Variants in SLC36A2 observed in about 807,000 individuals in gnomAD.
SLC36A2 encodes proton-coupled amino acid transporter 2.
SLC36A2 carries 39 observed loss-of-function variants against 42.7 expected under a neutral mutation model. That is an observed-to-expected ratio of 0.91 (90% CI 0.71 to 1.19). The LOEUF (loss-of-function observed/expected upper bound fraction) is 1.19. Among genes scored for constraint, SLC36A2 ranks in the 50% most tolerant of loss-of-function variants. SLC36A2 has a pLI of 0.00. For missense variants in SLC36A2, 590 were observed against 613.7 expected (o/e 0.96, Z 0.41); for synonymous variants, 237 against 240.8 (o/e 0.98, Z 0.15).
At chr5:151,327,411 T>G (rs1755884313) in intron 7 of SLC36A2, among the ~76,000 whole-genome samples, 1 of 152,178 alleles carries the variant, frequency 6.6e-6, no homozygotes, top group Non-Finnish European at 1.5e-5. Context: ...ACTAAGGAAT[T>G]TAGCATCTTT....
chr5:151,326,609 G>A (rs529673513), intron 7 of SLC36A2, among the ~76,000 whole-genome samples: 4 of 152,176 alleles, frequency 2.6e-5, no homozygotes, highest in South Asian at 4.1e-4. Flanking sequence ...GCCTCTTGCC[G>A]GTTGGACATT....
intron 4 of SLC36A2, among the ~76,000 whole-genome samples, chr5:151,341,149 G>A (rs1267200878): frequency 6.6e-6 from 1 of 152,178 alleles, no homozygotes; most frequent in African/African-American, 2.4e-5. Flanking sequence ...AGGAATTCCA[G>A]TTATAGGAGA....
intron 5 of SLC36A2, among the ~76,000 whole-genome samples, chr5:151,335,806 A>G (rs1580857492): frequency 6.6e-6 from 1 of 152,142 alleles, no homozygotes; most frequent in Non-Finnish European, 1.5e-5. Flanking sequence ...AGGCAGGTGG[A>G]TCATTTGAGG....
chr5:151,331,232 A>G (rs1755987289), intron 7 of SLC36A2, among the ~76,000 whole-genome samples: 6 of 152,162 alleles, frequency 3.9e-5, no homozygotes, highest in Admixed American at 3.9e-4. Context: ...AAAACCATAA[A>G]ACTCTTAGAA....
At chr5:151,333,874 T>TA (rs1756070868) in intron 6 of SLC36A2, among the ~76,000 whole-genome samples, 1 of 151,930 alleles carries the variant, frequency 6.6e-6, no homozygotes, top group African/African-American at 2.4e-5. Flanking sequence ...AAGAAGACCT[T>TA]ACACACCACA....
At chr5:151,327,350 T>C (rs1755881249) in intron 7 of SLC36A2, among the ~76,000 whole-genome samples, 1 of 152,218 alleles carries the variant, frequency 6.6e-6, no homozygotes, top group South Asian at 2.1e-4. Context: ...AGGGCTGTTA[T>C]CCAAAGTCCA....
At chr5:151,323,806 C>G (rs1755774186) in intron 8 of SLC36A2, among the ~76,000 whole-genome samples, 1 of 152,196 alleles carries the variant, frequency 6.6e-6, no homozygotes, top group Non-Finnish European at 1.5e-5. Context: ...TAGTGAACCT[C>G]CAAGGTTATA....
chr5:151,317,443 T>G (rs955969694), intron 9 of SLC36A2, among the ~76,000 whole-genome samples: 6 of 146,516 alleles, frequency 4.1e-5, no homozygotes, highest in Admixed American at 4.0e-4. Context: ...CAAAGTGAGG[T>G]CCTATCTCAT....
rs1267007310 is a variant in SLC36A2 at position 151,343,415 on chromosome 5, TAAG to T, written c.344+92_344+94del. On this transcript the variant is annotated intron_variant, in intron 3 of 9. Coordinates refer to ENST00000335244, the MANE Select transcript of SLC36A2 (RefSeq NM_181776.3). ...CTTTCTTGGCCTTATTGGAGAAAAC[TAAG>T]AAGTAAATTTCTATTATGCATAGGA... is the stretch of plus-strand genomic sequence containing the variant. 13 of 1,308,366 alleles carry T rather than the reference TAAG, an allele frequency of 9.9e-6. No homozygotes were observed. The African/African-American group carries it at 1.4e-4, about 15-fold the overall frequency. 81.0% of individuals were successfully genotyped at this position (1,308,366 alleles called of 1,614,324 possible).
intron 9 of SLC36A2, among the ~76,000 whole-genome samples, chr5:151,318,665 T>A (rs966316921): frequency 6.7e-6 from 1 of 149,450 alleles, no homozygotes; most frequent in Non-Finnish European, 1.5e-5. Flanking sequence ...AATAAATAAT[T>A]AACATGAGTA....
intron 1 of SLC36A2, among the ~76,000 whole-genome samples, chr5:151,345,072 C>T (rs1024623269): frequency 3.0e-4 from 45 of 152,052 alleles, no homozygotes; most frequent in Non-Finnish European, 6.0e-4. Context: ...AAGGTTTGCC[C>T]GGAGGACAAA....
chr5:151,346,269 A>C (rs1427842067), intron 1 of SLC36A2, among the ~76,000 whole-genome samples: 1 of 152,110 alleles, frequency 6.6e-6, no homozygotes, highest in Non-Finnish European at 1.5e-5. Context: ...ATACTTAGCA[A>C]CTTCCAGGAC....
intron 4 of SLC36A2, among the ~76,000 whole-genome samples, chr5:151,340,116 AGAGGAGGAGAAGGAGGAGGAAGAAGAG>A (rs796925433): frequency 2.1e-5 from 3 of 145,736 alleles, no homozygotes; most frequent in African/African-American, 8.0e-5. Flanking sequence ...AGGAGGAAGA[AGAGGAGGAGAAGGAGGAGGAAGAAGAG>A]GAGGAGAAGG....
intron 4 of SLC36A2, 37 bp from the exon 5 acceptor site, chr5:151,339,181 A>T: frequency 1.3e-6 from 2 of 1,509,258 alleles, no homozygotes; most frequent in Non-Finnish European, 1.8e-6. Flanking sequence ...AAAACTTGTT[A>T]TAAAATAAGT....
intron 2 of SLC36A2, among the ~76,000 whole-genome samples, 160 bp downstream of exon 2, chr5:151,344,017 G>T (rs1756422640): frequency 6.6e-6 from 1 of 152,190 alleles, no homozygotes. Context: ...CTGTGGCAGA[G>T]CCGGAACTCA....
intron 8 of SLC36A2, among the ~76,000 whole-genome samples, chr5:151,324,924 G>C (rs1755809675): frequency 3.3e-5 from 5 of 152,330 alleles, no homozygotes; most frequent in Admixed American, 3.3e-4. Context: ...ACCACTGGCT[G>C]TGGCAAACAA....
At chr5:151,343,253 C>T (rs372089292) in intron 3 of SLC36A2, among the ~76,000 whole-genome samples, 18 of 152,170 alleles carry the variant, frequency 1.2e-4, no homozygotes, top group African/African-American at 3.9e-4. Flanking sequence ...ATTGGATTCT[C>T]GTGACCATTC....
chr5:151,333,668 C>T (rs1756062235), intron 6 of SLC36A2, among the ~76,000 whole-genome samples: 3 of 152,126 alleles, frequency 2.0e-5, no homozygotes, highest in Non-Finnish European at 4.4e-5. Flanking sequence ...TCGAGACCAG[C>T]CTGGCCAACA....
intron 6 of SLC36A2, among the ~76,000 whole-genome samples, chr5:151,333,925 G>T (rs2127293797): frequency 6.6e-6 from 1 of 152,274 alleles, no homozygotes; most frequent in Middle Eastern, 3.4e-3. Flanking sequence ...ACCTTTGAAT[G>T]GACAGTGGTC....
Sources: gnomAD v4.1 joint callset for allele counts (sites outside exome capture counted in the v4.1 genomes callset) on GRCh38, gnomAD v4.1.1 for gene constraint, MANE v1.5 for transcripts, NCBI Gene and HGNC (gene_info 2026-07-23, HGNC 2026-07-21) for gene names.